UPP1: variants seen among roughly 807,000 people sequenced by gnomAD.
The protein encoded by UPP1 is uridine phosphorylase 1.
Under a neutral mutation model 29.6 loss-of-function variants are expected in UPP1, and 25 were observed. The observed-to-expected ratio is 0.85, with a 90% CI of 0.62 to 1.18. The LOEUF is 1.18. Ranked by LOEUF, UPP1 falls within the 50% of genes most tolerant of loss-of-function variation. The pLI is 0.00. For synonymous variants in UPP1, 165 were observed against 159.8 expected (o/e 1.03, Z -0.25); for missense variants, 368 against 410.4 (o/e 0.90, Z 0.89).
At chr7:48,093,724 G>A (rs1791972646) in intron 2 of UPP1, among the ~76,000 whole-genome samples, 2 of 152,152 alleles carry the variant, frequency 1.3e-5, no homozygotes, top group South Asian at 4.1e-4. Context: ...TGGAGACGGG[G>A]CCGTGGGCTG....
At chr7:48,104,030 C>T (rs1274301516) in intron 6 of UPP1, 13 of 626,036 alleles carry the variant, frequency 2.1e-5, no homozygotes, top group Non-Finnish European at 2.8e-5. Flanking sequence ...CCATCCTGGC[C>T]AACATGGTGA....
At chr7:48,105,775 C>G (rs1792698406) in intron 6 of UPP1, 1 of 152,138 alleles carries the variant, frequency 6.6e-6, no homozygotes, top group Non-Finnish European at 1.5e-5. Context: ...GGGCACTAAT[C>G]CCACTCATGC....
In UPP1 at chr7:48,103,332, G is replaced by A. The variant is rs146593699; in HGVS notation, c.357G>A (p.Leu119=). 1.3e-4 allele frequency: 216 copies of A among 1,613,854 alleles called. No individual in the cohort carries two copies. The highest frequency in any genetic ancestry group is 1.7e-4 in the Non-Finnish European group (204 of 1,179,900). The change falls in exon 6 of 9, where the codon TTG becomes TTA. Residue 119 remains leucine (L), a synonymous_variant. Coordinates refer to ENST00000395564, the MANE Select transcript of UPP1 (RefSeq NM_003364.4). ...GMGIPSISIM[L]HELIKLLYYA... is the part of the protein sequence containing the mutation. Reference sequence around the variant, plus strand: ...GCATTCCTTCTATCTCAATCATGTTGCATGAGCTCATAAAGCTGCTGTACT... The same window carrying A: ...GCATTCCTTCTATCTCAATCATGTTACATGAGCTCATAAAGCTGCTGTACT...
At chr7:48,094,852 T>G in intron 3 of UPP1, 25 bp downstream of exon 3, 5 of 1,602,802 alleles carry the variant, frequency 3.1e-6, no homozygotes, top group Non-Finnish European at 4.3e-6. Context: ...CATTCCAGGT[T>G]GGGTTGGGTG....
chr7:48,102,924 G>A (rs1445879461), intron 5 of UPP1, among the ~76,000 whole-genome samples: 1 of 152,162 alleles, frequency 6.6e-6, no homozygotes, highest in Non-Finnish European at 1.5e-5. Flanking sequence ...AAAAGAGAAA[G>A]GAGATAAAAC....
Position 48,107,456 on chromosome 7 carries a change from G to A in UPP1, c.742G>A (p.Glu248Lys). The change falls in exon 8 of 9, where the codon GAG becomes AAG. Residue 248 changes from glutamate (E) to lysine (K), a missense_variant. Coordinates refer to ENST00000395564, the MANE Select transcript of UPP1 (RefSeq NM_003364.4). ...CTATGCAGCCGGCGTCCGCAATATC[G>A]AGATGGAGTCCTCGGTGTTTGCCGC... is the stretch of plus-strand genomic sequence containing the variant. ...AAYAAGVRNI[E>K]MESSVFAAMC... The A allele has an allele frequency of 1.9e-6, 3 of 1,614,150 alleles. No individual in the cohort carries two copies. The highest frequency in any genetic ancestry group is 2.2e-5 in the East Asian group (1 of 44,870).
intron 8 of UPP1, among the ~76,000 whole-genome samples, chr7:48,107,795 G>T (rs1007348120): frequency 6.6e-6 from 1 of 152,164 alleles, no homozygotes; most frequent in Non-Finnish European, 1.5e-5. Flanking sequence ...TAAAAAACTC[G>T]GCTTTCAAAG....
At chr7:48,097,417 A>G (rs1382601041) in intron 3 of UPP1, among the ~76,000 whole-genome samples, 18 of 152,024 alleles carry the variant, frequency 1.2e-4, no homozygotes, top group Non-Finnish European at 2.1e-4. Context: ...CATTTTCTGT[A>G]GAGTCAGGGT....
intron 3 of UPP1, among the ~76,000 whole-genome samples, chr7:48,095,723 C>T (rs937452074): frequency 1.3e-5 from 2 of 151,952 alleles, no homozygotes; most frequent in African/African-American, 2.4e-5. Flanking sequence ...TCTCAGCTTG[C>T]TGCAACCTCT....
upstream of UPP1, chr7:48,089,055 G>C (rs1195631628): frequency 1.3e-5 from 2 of 151,922 alleles, no homozygotes; most frequent in East Asian, 3.9e-4. Context: ...ACCTTCGCGG[G>C]AGGGTGGAGA....
intron 3 of UPP1, among the ~76,000 whole-genome samples, 165 bp from the exon 4 acceptor site, chr7:48,099,501 GGGGA>G (rs1562653312): frequency 6.6e-6 from 1 of 152,182 alleles, no homozygotes; most frequent in East Asian, 1.9e-4. Flanking sequence ...GAAGAACAGA[GGGGA>G]GGCAAGTGCG....
At chr7:48,102,363 A>G (rs1447090614) in intron 5 of UPP1, among the ~76,000 whole-genome samples, 1 of 152,186 alleles carries the variant, frequency 6.6e-6, no homozygotes, top group African/African-American at 2.4e-5. Context: ...ACAGTGAGTT[A>G]CTTCAAAACA....
chr7:48,107,728 G>T (rs73337891), intron 8 of UPP1, among the ~76,000 whole-genome samples: 6,976 of 152,224 alleles, frequency 0.046, 550 homozygotes, highest in African/African-American at 0.16. Flanking sequence ...CAGTGACCTT[G>T]TGCAGGAAAA....
At chr7:48,093,572 G>GT (rs1241987271) in intron 2 of UPP1, among the ~76,000 whole-genome samples, 1 of 152,180 alleles carries the variant, frequency 6.6e-6, no homozygotes, top group African/African-American at 2.4e-5. Context: ...AGTTCAAAAC[G>GT]TGAGTCTCAC....
chr7:48,094,993 T>G (rs544467845), intron 3 of UPP1, among the ~76,000 whole-genome samples, 166 bp downstream of exon 3: 2 of 152,330 alleles, frequency 1.3e-5, no homozygotes, highest in South Asian at 2.1e-4. Flanking sequence ...GTTCGTACAT[T>G]AGATGGTTAA....
At chr7:48,103,985 C>A in intron 6 of UPP1, 1 of 1,066,552 alleles carries the variant, frequency 9.4e-7, no homozygotes, top group Non-Finnish European at 1.2e-6. Context: ...ATTGGGAGGC[C>A]GAGGCGGGCG....
intron 3 of UPP1, among the ~76,000 whole-genome samples, chr7:48,098,704 G>C (rs550300361): frequency 6.6e-6 from 1 of 152,218 alleles, no homozygotes; most frequent in African/African-American, 2.4e-5. Context: ...ACGGGGTTCA[G>C]GGCAGAAAGT....
chr7:48,094,266 G>GT, intron 2 of UPP1, among the ~76,000 whole-genome samples: 1 of 152,100 alleles, frequency 6.6e-6, no homozygotes, highest in African/African-American at 2.4e-5. Flanking sequence ...GTTTTGTTTT[G>GT]TTTTTTGAGA....
intron 2 of UPP1, among the ~76,000 whole-genome samples, chr7:48,092,340 A>G (rs917369280): frequency 2.6e-5 from 4 of 152,122 alleles, no homozygotes; most frequent in African/African-American, 9.7e-5. Context: ...ATCCTGAAGA[A>G]GGCCTGAAAT....
Sources: gnomAD v4.1 joint callset for allele counts (sites outside exome capture counted in the v4.1 genomes callset) on GRCh38, gnomAD v4.1.1 for gene constraint, MANE v1.5 for transcripts, NCBI Gene and HGNC (gene_info 2026-07-23, HGNC 2026-07-21) for gene names.